The following TIE1 variants were observed in gnomAD, a reference collection of about 807,000 sequenced individuals.
The protein encoded by TIE1 is tyrosine kinase with immunoglobulin like and EGF like domains 1, also known as tyrosine-protein kinase receptor Tie-1.
TIE1 carries 89 observed loss-of-function variants against 130.5 expected under a neutral mutation model. That is an observed-to-expected ratio of 0.68 (90% CI 0.57 to 0.81). TIE1 has a LOEUF of 0.81. Ranked by LOEUF, TIE1 falls within the 40% of genes least tolerant of loss-of-function variation. The pLI is 0.00. For missense variants in TIE1, 1,392 were observed against 1,559.8 expected (o/e 0.89, Z 1.81); for synonymous variants, 568 against 629.4 (o/e 0.90, Z 1.46).
At chr1:43,314,125 A>G in intron 14 of TIE1, 157 bp downstream of exon 14, 1 of 921,776 alleles carries the variant, frequency 1.1e-6, no homozygotes, top group Non-Finnish European at 1.7e-6. Context: ...AGGGTACAAA[A>G]TATAATTTTC....
chr1:43,311,792 G>T lies in TIE1; in HGVS notation c.1455G>T (p.Arg485=), dbSNP rs1165920044. 4 of 1,613,930 alleles carry T rather than the reference G, an allele frequency of 2.5e-6. No homozygotes were observed. The highest frequency in any genetic ancestry group is 2.5e-6 in the Non-Finnish European group (3 of 1,179,982). The change falls in exon 10 of 23, where the codon CGG becomes CGT. Residue 485 remains arginine, a synonymous_variant. Coordinates refer to ENST00000372476, the MANE Select transcript of TIE1 (RefSeq NM_005424.5). ...TCTCCACTGTCCGCCTGCACTACCG[G>T]CCCCAGGACAGTACCATGGACTGGT... ...GPISTVRLHY[R]PQDSTMDWST...
Position 43,313,542 on chromosome 1 carries a change from A to G in TIE1, c.2218+117A>G. 1 of 1,337,634 alleles carries G rather than the reference A, an allele frequency of 7.5e-7. No homozygotes were observed. The highest frequency in any genetic ancestry group is 2.2e-5 in the Admixed American group (1 of 46,480). 82.9% of individuals were successfully genotyped at this position (1,337,634 alleles called of 1,614,324 possible). A position where few individuals can be genotyped will look rare whatever the true frequency, so the allele number is the denominator to read the frequency against. Reference sequence around the variant, plus strand: ...GGGCATCCCAGGCCCCTCCTGACAAAGAGTCAGCCCCAGTCCTGGGGACTC... The same window carrying G: ...GGGCATCCCAGGCCCCTCCTGACAAGGAGTCAGCCCCAGTCCTGGGGACTC... On this transcript the variant is annotated intron_variant, in intron 13 of 22. Transcript: ENST00000372476. This position sits in a 1 kb window ranked among gnomAD's most constrained non-coding sequence, Gnocchi z 6.2.
At chr1:43,305,964 A>G (rs1291224184) in intron 3 of TIE1, among the ~76,000 whole-genome samples, 1 of 152,070 alleles carries the variant, frequency 6.6e-6, no homozygotes, top group Non-Finnish European at 1.5e-5. Flanking sequence ...AGGGAGGAAG[A>G]CCCTTCCCTT....
chr1:43,305,461 T>C (rs1646719800), intron 3 of TIE1, 118 bp downstream of exon 3: 1 of 919,734 alleles, frequency 1.1e-6, no homozygotes, highest in Admixed American at 2.9e-5. Flanking sequence ...CTCCAGGGCC[T>C]CTCCTCTGTA....
Position 43,313,550 on chromosome 1 carries a change from C to A in TIE1, c.2218+125C>A. On this transcript the variant is annotated intron_variant, in intron 13 of 22. Transcript: ENST00000372476. The surrounding 1 kb of genome is among the most constrained non-coding windows in gnomAD (Gnocchi z 6.2). ...CAGGCCCCTCCTGACAAAGAGTCAG[C>A]CCCAGTCCTGGGGACTCAGCCTTCC... 7.8e-7 allele frequency: 1 copy of A among 1,287,300 alleles called. No homozygotes were observed. The highest frequency in any genetic ancestry group is 1.1e-6 in the Non-Finnish European group (1 of 938,586). The allele number at this position is 1,287,300 out of a possible 1,614,324, so 79.7% of individuals were successfully genotyped here.
In TIE1 at chr1:43,307,374, C is replaced by A. The variant is rs1259127462; in HGVS notation, c.773-58C>A. The A allele has an allele frequency of 5.0e-6, 8 of 1,611,402 alleles. No individual in the cohort carries two copies. The highest frequency in any genetic ancestry group is 5.9e-6 in the Non-Finnish European group (7 of 1,178,374). On this transcript the variant is annotated intron_variant, in intron 5 of 22. Coordinates refer to ENST00000372476, the MANE Select transcript of TIE1 (RefSeq NM_005424.5). This position sits in a 1 kb window ranked among gnomAD's most constrained non-coding sequence, Gnocchi z 5.4. Reference sequence around the variant, plus strand: ...GAGCTTGGAGGGTAAGGGCGACAGGCAGGTCCTGGGCCCAGGGGCCCACAG... The same window carrying A: ...GAGCTTGGAGGGTAAGGGCGACAGGAAGGTCCTGGGCCCAGGGGCCCACAG...
chr1:43,316,189 G>A lies in TIE1; in HGVS notation c.2410-1010G>A, dbSNP rs765529978. Among the ~76,000 whole-genome samples, 19 of 152,312 alleles carry A rather than the reference G, an allele frequency of 1.2e-4. No individual in the cohort carries two copies. The highest frequency in any genetic ancestry group is 6.8e-3 in the Middle Eastern group (2 of 294). ...CTGTGAGTGCCACATGTTTAAATGCGTGTGTCCCAGATGCACGTGTCCCTA... is the reference window on the plus strand; with the variant it reads ...CTGTGAGTGCCACATGTTTAAATGCATGTGTCCCAGATGCACGTGTCCCTA... On this transcript the variant is annotated intron_variant, in intron 14 of 22. Transcript: ENST00000372476. The surrounding 1 kb of genome is among the most constrained non-coding windows in gnomAD (Gnocchi z 4.4).
In TIE1 at chr1:43,306,894, T is replaced by G; in HGVS notation, c.539T>G (p.Leu180Arg). 1.2e-6 allele frequency: 2 copies of G among 1,614,064 alleles called. No homozygotes were observed. Among genetic ancestry groups the G allele is most frequent in the Non-Finnish European group, 1.7e-6 (2 of 1,180,014 alleles). ...GAAGCCCAGGATGGGCGGTTCCTGC[T>G]GCAGCTCCCAAATGTGCAGCCACCA... ...WHEAQDGRFL[L>R]QLPNVQPPSS... The change falls in exon 4 of 23, where the codon CTG becomes CGG. Residue 180 changes from leucine (L) to arginine (R), a missense_variant. This residue lies in a region of TIE1 where 415 missense variants were observed against 424.8 expected (regional missense o/e 0.98). Transcript: ENST00000372476. The surrounding 1 kb of genome is among the most constrained non-coding windows in gnomAD (Gnocchi z 4.9).
rs1018360685 is a variant in TIE1, at chr1:43,313,570, C to A, written c.2218+145C>A. ...GTCAGCCCCAGTCCTGGGGACTCAG[C>A]CTTCCATTCTCATGATCCACTGTCC... On this transcript the variant is annotated intron_variant, in intron 13 of 22. Coordinates refer to ENST00000372476, the MANE Select transcript of TIE1 (RefSeq NM_005424.5). The surrounding 1 kb of genome is among the most constrained non-coding windows in gnomAD (Gnocchi z 6.2). The A allele has an allele frequency of 4.3e-6, 5 of 1,157,002 alleles. No homozygotes were observed. In the African/African-American group the frequency reaches 7.7e-5, roughly 18 times the overall value. The allele number at this position is 1,157,002 out of a possible 1,614,324, so 71.7% of individuals were successfully genotyped here. A position where few individuals can be genotyped will look rare whatever the true frequency, so the allele number is the denominator to read the frequency against.
chr1:43,312,398 T>C lies in TIE1; in HGVS notation c.1724T>C (p.Leu575Pro), dbSNP rs2153911843. ...TCCTTGCCCTTGGTGCCCGGGCCAC[T>C]GGTGGGCGACGGTTTCCTGCTGCGC... ...SWSLPLVPGP[L>P]VGDGFLLRLW... The change falls in exon 12 of 23, where the codon CTG (leucine) becomes CCG (proline). Residue 575 changes from leucine (L) to proline (P), a missense_variant. Physicochemically the swap from Leu to Pro is moderately conservative, Grantham distance 98. Around this residue, in one of 6 missense-constraint regions of TIE1, gnomAD observed 551 missense variants for 565.5 expected, o/e 0.97. Transcript: ENST00000372476. The surrounding 1 kb of genome is among the most constrained non-coding windows in gnomAD (Gnocchi z 5.6). 2 of 1,606,530 alleles carry C rather than the reference T, an allele frequency of 1.2e-6. No individual in the cohort carries two copies. Among genetic ancestry groups the C allele is most frequent in the Non-Finnish European group, 1.7e-6 (2 of 1,176,550 alleles).
At chr1:43,301,268 T>A (rs1417341739) in intron 1 of TIE1, 139 bp downstream of exon 1, 3 of 942,462 alleles carry the variant, frequency 3.2e-6, no homozygotes, top group Non-Finnish European at 4.7e-6. Context: ...ATGGGGAGTT[T>A]TGTTTAAAAG....
chr1:43,307,445 C>A lies in TIE1; in HGVS notation c.786C>A (p.Gly262=), dbSNP rs752155223. Residue 262 remains glycine, a synonymous_variant, in exon 6 of 23, where the codon GGC becomes GGA. Coordinates refer to ENST00000372476, the MANE Select transcript of TIE1 (RefSeq NM_005424.5). This position sits in a 1 kb window ranked among gnomAD's most constrained non-coding sequence, Gnocchi z 5.4. ...CTCTCTTTCTAGCCTGCAGAGAGGG[C>A]CGTTTTGGGCAGAGCTGCCAGGAGC... is the stretch of plus-strand genomic sequence containing the variant. ...GTRCEQACRE[G]RFGQSCQEQC... 7 of 1,614,016 alleles carry A rather than the reference C, an allele frequency of 4.3e-6. No homozygotes were observed. In the Admixed American group the frequency reaches 1.0e-4, roughly 23 times the overall value.
In TIE1 at chr1:43,312,937, G is replaced by A. The variant is rs2153911978; in HGVS notation, c.1928-198G>A. On this transcript the variant is annotated intron_variant, in intron 12 of 22. Coordinates refer to ENST00000372476, the MANE Select transcript of TIE1 (RefSeq NM_005424.5). This position sits in a 1 kb window ranked among gnomAD's most constrained non-coding sequence, Gnocchi z 5.6. ...GGACTTGGGATACAAGAAGTACAAG[G>A]AGAAGCAGAAGCTTGAGGGTGAAAG... Among the ~76,000 whole-genome samples, 1 of 152,150 alleles carries A rather than the reference G, an allele frequency of 6.6e-6. No individual in the cohort carries two copies. The highest frequency in any genetic ancestry group is 2.1e-4 in the South Asian group (1 of 4,822).
Position 43,321,054 on chromosome 1 carries a change from A to C in TIE1, c.3108-215A>C, listed in dbSNP as rs556082402. ...TCTCAAAAAAAAAAAAAAAAAAAAA[A>C]CAAAACAAAAGAGCTCTAATTGTGC... On this transcript the variant is annotated intron_variant, in intron 19 of 22. Coordinates refer to ENST00000372476, the MANE Select transcript of TIE1 (RefSeq NM_005424.5). 2.7e-3 allele frequency among the ~76,000 whole-genome samples: 282 copies of C among 105,620 alleles called. 5 individuals carry two copies. The highest frequency in any genetic ancestry group is 0.015 in the Middle Eastern group (3 of 200). The allele number at this position is 105,620 out of a possible 152,430, so 69.3% of individuals were successfully genotyped here.
In TIE1 at chr1:43,315,270, A is replaced by G. The variant is rs1264878408; in HGVS notation, c.2409+1302A>G. The G allele has an allele frequency of 6.6e-6, 1 of 152,246 alleles. No individual in the cohort carries two copies. The highest frequency in any genetic ancestry group is 1.9e-4 in the East Asian group (1 of 5,198). 9.4% of individuals were successfully genotyped at this position (152,246 alleles called of 1,614,324 possible). On this transcript the variant is annotated intron_variant, in intron 14 of 22. Coordinates refer to ENST00000372476, the MANE Select transcript of TIE1 (RefSeq NM_005424.5). This position sits in a 1 kb window ranked among gnomAD's most constrained non-coding sequence, Gnocchi z 4.4. ...ATTTAGAGCTAAGCTTTGGCATTTC[A>G]AATAAAAAATAAAAAAAGAAAGAAA...
Position 43,313,014 on chromosome 1 carries a change from C to T in TIE1, c.1928-121C>T, listed in dbSNP as rs1315662149. The T allele has an allele frequency of 2.0e-5, 24 of 1,187,082 alleles. No individual in the cohort carries two copies. Among genetic ancestry groups the T allele is most frequent in the African/African-American group, 3.1e-5 (2 of 65,412 alleles). The allele number at this position is 1,187,082 out of a possible 1,614,324, so 73.5% of individuals were successfully genotyped here. ...AGTCTGGTGGGGAGGAGGAAGTTGG[C>T]AGGGTGGCCCCTGTGCTTGGACCCA... On this transcript the variant is annotated intron_variant, in intron 12 of 22. Coordinates refer to ENST00000372476, the MANE Select transcript of TIE1 (RefSeq NM_005424.5). This position sits in a 1 kb window ranked among gnomAD's most constrained non-coding sequence, Gnocchi z 6.2.
rs1167917513 is a variant in TIE1 at position 43,317,736 on chromosome 1, A to C, written c.2731+62A>C. ...ACCCCCATCCTCAGCCATCACCTCC[A>C]CCACATGAGTAGCTTGCCAGGGGCT... On this transcript the variant is annotated intron_variant, in intron 16 of 22. Coordinates refer to ENST00000372476, the MANE Select transcript of TIE1 (RefSeq NM_005424.5). The surrounding 1 kb of genome is among the most constrained non-coding windows in gnomAD (Gnocchi z 5.1). 2.4e-5 allele frequency: 36 copies of C among 1,485,560 alleles called. No individual in the cohort carries two copies. Among genetic ancestry groups the C allele is most frequent in the Non-Finnish European group, 3.2e-5 (35 of 1,085,402 alleles). The allele number at this position is 1,485,560 out of a possible 1,614,324, so 92.0% of individuals were successfully genotyped here.
chr1:43,318,106 G>T lies in TIE1; in HGVS notation c.2922+34G>T, dbSNP rs949526450. The T allele has an allele frequency of 2.8e-5, 43 of 1,516,540 alleles. No homozygotes were observed. The highest frequency in any genetic ancestry group is 3.8e-5 in the Non-Finnish European group (43 of 1,133,814). 93.9% of individuals were successfully genotyped at this position (1,516,540 alleles called of 1,614,324 possible). Reference sequence around the variant, plus strand: ...GAGTGGGGGCGGGTGGAGGCCAGAGGGGGAAGCCACTGGGCTGGTGTCAGT... The same window carrying T: ...GAGTGGGGGCGGGTGGAGGCCAGAGTGGGAAGCCACTGGGCTGGTGTCAGT... On this transcript the variant is annotated intron_variant, in intron 17 of 22. Coordinates refer to ENST00000372476, the MANE Select transcript of TIE1 (RefSeq NM_005424.5). The surrounding 1 kb of genome is among the most constrained non-coding windows in gnomAD (Gnocchi z 4.4).
chr1:43,321,805 C>A, intron 22 of TIE1, 90 bp downstream of exon 22: 2 of 1,238,734 alleles, frequency 1.6e-6, no homozygotes, highest in South Asian at 1.3e-5. Flanking sequence ...GTCCCAACCA[C>A]ACTGCCTGCC....
Sources: gnomAD v4.1 joint callset for allele counts (sites outside exome capture counted in the v4.1 genomes callset) on GRCh38, gnomAD v4.1.1 for gene constraint, gnomAD v4.1.1 regional missense constraint, Gnocchi (gnomAD v3.1) non-coding constraint, MANE v1.5 for transcripts, NCBI Gene and HGNC (gene_info 2026-07-23, HGNC 2026-07-21) for gene names.